Variants in STXBP5L observed in about 807,000 individuals in gnomAD.
STXBP5L encodes syntaxin-binding protein 5-like.
Under a neutral mutation model 144.5 loss-of-function variants are expected in STXBP5L, and 65 were observed. The ratio of observed to expected loss-of-function variants is 0.45; its 90% CI spans 0.37 to 0.55. The LOEUF (loss-of-function observed/expected upper bound fraction) is 0.55. Ranked by LOEUF, STXBP5L falls within the 20% of genes least tolerant of loss-of-function variation. The pLI is 0.00. For synonymous variants in STXBP5L, 505 were observed against 469.6 expected (o/e 1.08, Z -0.97); for missense variants, 1,298 against 1,405.5 (o/e 0.92, Z 1.22).
chr3:121,378,942 A>T lies in STXBP5L; in HGVS notation c.2347+56A>T, dbSNP rs889986065. 8 of 1,540,358 alleles carry T rather than the reference A, an allele frequency of 5.2e-6. No homozygotes were observed. In the African/African-American group the frequency reaches 9.6e-5, roughly 19 times the overall value. Reference sequence around the variant, plus strand: ...CAGTTAAAATTTGGTTTACAATGGTAATGGGAACAGAGATATGGGATGGAG... The same window carrying T: ...CAGTTAAAATTTGGTTTACAATGGTTATGGGAACAGAGATATGGGATGGAG... On this transcript the variant is annotated intron_variant, in intron 21 of 26. Transcript: ENST00000471454.
intron 22 of STXBP5L, among the ~76,000 whole-genome samples, chr3:121,406,806 C>A (rs888472275): frequency 2.6e-5 from 4 of 151,990 alleles, no homozygotes; most frequent in Non-Finnish European, 1.5e-5. Context: ...GATTATTTTT[C>A]AGTTGAAGTT....
chr3:121,112,197 G>T (rs2044020666), intron 5 of STXBP5L, among the ~76,000 whole-genome samples: 1 of 152,012 alleles, frequency 6.6e-6, no homozygotes, highest in African/African-American at 2.4e-5. Flanking sequence ...CTCCCCTCAG[G>T]AACTTGGTAA....
intron 10 of STXBP5L, among the ~76,000 whole-genome samples, chr3:121,218,591 T>C (rs2048877123): frequency 6.6e-6 from 1 of 151,630 alleles, no homozygotes; most frequent in Admixed American, 6.6e-5. Flanking sequence ...AACCCAGCCT[T>C]GAAGGGAGTA....
At chr3:121,153,668 C>G (rs1323000033) in intron 8 of STXBP5L, among the ~76,000 whole-genome samples, 1 of 151,786 alleles carries the variant, frequency 6.6e-6, no homozygotes, top group Non-Finnish European at 1.5e-5. Context: ...TAAGCCTTCA[C>G]CTATTTCATA....
At chr3:121,216,957 C>A (rs2048798979) in intron 10 of STXBP5L, among the ~76,000 whole-genome samples, 1 of 152,176 alleles carries the variant, frequency 6.6e-6, no homozygotes, top group Non-Finnish European at 1.5e-5. Context: ...CCAGGTCGAA[C>A]TTCCTGGTGG....
At chr3:121,394,945 T>C in intron 22 of STXBP5L, among the ~76,000 whole-genome samples, 1 of 152,198 alleles carries the variant, frequency 6.6e-6, no homozygotes, top group Non-Finnish European at 1.5e-5. Context: ...TGAAATTCCC[T>C]TCAGGTATTA....
intron 5 of STXBP5L, among the ~76,000 whole-genome samples, chr3:121,050,763 T>C (rs1947909416): frequency 6.6e-6 from 1 of 152,186 alleles, no homozygotes; most frequent in Non-Finnish European, 1.5e-5. Context: ...ATGGACTAAA[T>C]GCTCCAATTA....
intron 3 of STXBP5L, among the ~76,000 whole-genome samples, chr3:120,980,016 A>T (rs778345968): frequency 6.6e-6 from 1 of 152,088 alleles, no homozygotes; most frequent in Non-Finnish European, 1.5e-5. Flanking sequence ...CAATTTCCAC[A>T]TATTTGTATC....
intron 3 of STXBP5L, among the ~76,000 whole-genome samples, chr3:120,982,079 A>G (rs924462553): frequency 6.6e-6 from 1 of 152,212 alleles, no homozygotes; most frequent in Non-Finnish European, 1.5e-5. Flanking sequence ...CTCATTCCTC[A>G]ACACTGTGGA....
At chr3:120,966,553 C>A (rs1271263119) in intron 3 of STXBP5L, among the ~76,000 whole-genome samples, 1 of 152,158 alleles carries the variant, frequency 6.6e-6, no homozygotes, top group South Asian at 2.1e-4. Flanking sequence ...AACTGCAGGT[C>A]TTTTGGAGTT....
At chr3:121,239,180 C>T (rs2049584582) in intron 13 of STXBP5L, 62 bp downstream of exon 13, 1 of 1,001,138 alleles carries the variant, frequency 1.0e-6, no homozygotes, top group South Asian at 2.1e-5. Flanking sequence ...TACTTTTTTC[C>T]ATTACTTTAT....
Position 121,413,255 on chromosome 3 carries a change from T to G in STXBP5L, c.3046T>G (p.Leu1016Val). The stretch of plus-strand genomic sequence containing the variant: ...TTGTTTTACCAATGAAGGACAGGCA[T>G]TATACCTCGTCTCTCCTACTGAAAT... ...TFCFTNEGQA[L>V]YLVSPTEIQR... Residue 1016 changes from leucine (L) to valine (V), a missense_variant, in exon 24 of 27, where the codon TTA (leucine) becomes GTA (valine). Coordinates refer to ENST00000471454, the MANE Select transcript of STXBP5L (RefSeq NM_001308330.2). 2 of 1,609,252 alleles carry G rather than the reference T, an allele frequency of 1.2e-6. No homozygotes were observed. The highest frequency in any genetic ancestry group is 1.7e-6 in the Non-Finnish European group (2 of 1,178,572).
chr3:120,971,071 G>A (rs1254335182), intron 3 of STXBP5L, among the ~76,000 whole-genome samples: 1 of 152,058 alleles, frequency 6.6e-6, no homozygotes, highest in African/African-American at 2.4e-5. Context: ...GCAGAAACTA[G>A]GACTTAATTC....
chr3:121,299,798 C>G (rs2051813231), intron 19 of STXBP5L, among the ~76,000 whole-genome samples: 1 of 151,752 alleles, frequency 6.6e-6, no homozygotes, highest in Non-Finnish European at 1.5e-5. Context: ...ACCAGCCGGA[C>G]CAACATGGCA....
At chr3:121,351,371 TG>T (rs1411623142) in intron 20 of STXBP5L, among the ~76,000 whole-genome samples, 1 of 152,050 alleles carries the variant, frequency 6.6e-6, no homozygotes, top group Admixed American at 6.6e-5. Context: ...CTGCCCCTAA[TG>T]GGGGGTGCCT....
chr3:121,002,871 C>A (rs1199263608), intron 3 of STXBP5L, among the ~76,000 whole-genome samples: 1 of 152,094 alleles, frequency 6.6e-6, no homozygotes, highest in Non-Finnish European at 1.5e-5. Flanking sequence ...CATGTCCCTA[C>A]AAAGAACATG....
intron 20 of STXBP5L, among the ~76,000 whole-genome samples, chr3:121,342,718 T>C (rs2044767033): frequency 6.7e-6 from 1 of 150,028 alleles, no homozygotes; most frequent in Non-Finnish European, 1.5e-5. Flanking sequence ...GTTGTATATG[T>C]GCCACATTTT....
chr3:121,089,615 G>A (rs541381954), intron 5 of STXBP5L, among the ~76,000 whole-genome samples: 59 of 151,640 alleles, frequency 3.9e-4, no homozygotes, highest in African/African-American at 1.2e-3. Flanking sequence ...ATTCCGTTTA[G>A]TTTTGCTCAG....
chr3:121,416,143 C>T (rs1460725710), intron 25 of STXBP5L, among the ~76,000 whole-genome samples, 175 bp downstream of exon 25: 1 of 60,354 alleles, frequency 1.7e-5, no homozygotes, highest in African/African-American at 6.3e-5. Context: ...AAATCATTTC[C>T]ATTTACCAAC....
Sources: allele counts gnomAD v4.1 joint callset (sites outside exome capture counted in the v4.1 genomes callset), GRCh38; gene constraint gnomAD v4.1.1; transcripts MANE v1.5; gene names NCBI Gene and HGNC (gene_info 2026-07-23, HGNC 2026-07-21).